The following NUCB2 variants were observed in gnomAD, a reference collection of about 807,000 sequenced individuals.
NUCB2 encodes the protein nucleobindin-2.
Under a neutral mutation model 57.9 loss-of-function variants are expected in NUCB2, and 48 were observed. That is an observed-to-expected ratio of 0.83 (90% CI 0.66 to 1.05). The LOEUF is 1.05. NUCB2 is among the 50% of genes least tolerant of loss of function. The pLI, the probability that NUCB2 is intolerant of heterozygous loss-of-function variation, is 0.00. For missense variants in NUCB2, 442 were observed against 476.2 expected (o/e 0.93, Z 0.67); for synonymous variants, 139 against 152.1 (o/e 0.91, Z 0.64).
chr11:17,346,484 A>G, intron 2 of NUCB2, among the ~76,000 whole-genome samples: 1 of 150,962 alleles, frequency 6.6e-6, no homozygotes, highest in East Asian at 1.9e-4. Flanking sequence ...GATGTCATTG[A>G]GAGCATTTAT....
chr11:17,330,791 A>C lies in NUCB2; in HGVS notation c.1174-111A>C, dbSNP rs75207092. The C allele has an allele frequency of 0.06, 44,716 of 747,388 alleles. 3,725 individuals are homozygous for C. Among genetic ancestry groups the C allele is most frequent in the African/African-American group, 0.33 (18,736 of 57,240 alleles). The allele number at this position is 747,388 out of a possible 1,614,324, so 46.3% of individuals were successfully genotyped here. On this transcript the variant is annotated intron_variant, in intron 12 of 13. Coordinates refer to ENST00000529010, the MANE Select transcript of NUCB2 (RefSeq NM_005013.4). This position sits in a 1 kb window ranked among gnomAD's most constrained non-coding sequence, Gnocchi z 4.3. ...GTCAAATCTAAATCTTATAGTTTGA[A>C]TATCTTTGTTTTAGAAAACAATTTT...
exon 2 of NUCB2, chr11:17,337,417 G>C (rs1178893133): frequency 1.3e-5 from 2 of 152,168 alleles, no homozygotes; most frequent in African/African-American, 4.8e-5. Context: ...CGTTTGTCAT[G>C]CAGGATTTTT....
chr11:17,348,319 GTTTTTTTTTTTTT>G (rs55741571), intron 2 of NUCB2, among the ~76,000 whole-genome samples: 46 of 84,470 alleles, frequency 5.4e-4, no homozygotes, highest in African/African-American at 2.1e-3. Context: ...TTGTTTTTGT[GTTTTTTTTTTTTT>G]TTTTTTTTTT....
Position 17,311,780 on chromosome 11 carries a change from C to T in NUCB2, c.761-92C>T, listed in dbSNP as rs1948519910. 7.3e-6 allele frequency: 6 copies of T among 824,966 alleles called. No homozygotes were observed. The South Asian group carries it at 9.5e-5, about 13-fold the overall frequency. The allele number at this position is 824,966 out of a possible 1,614,324, so 51.1% of individuals were successfully genotyped here. A position where few individuals can be genotyped will look rare whatever the true frequency, so the allele number is the denominator to read the frequency against. On this transcript the variant is annotated intron_variant, in intron 8 of 13. Coordinates refer to ENST00000529010, the MANE Select transcript of NUCB2 (RefSeq NM_005013.4). ...AGTCTATTGATGCTTCACATCAGTA[C>T]TACTTTTGTAAACCCTTTATAAATC...
chr11:17,346,675 T>C (rs548057954), intron 2 of NUCB2, among the ~76,000 whole-genome samples: 2 of 152,176 alleles, frequency 1.3e-5, no homozygotes, highest in Non-Finnish European at 2.9e-5. Context: ...TACAAAAAAT[T>C]TGCAAAAATA....
At position 17,282,772 on chromosome 11, in the gene NUCB2, T is replaced by A. The variant is rs1187652103; in HGVS notation, c.-155-17T>A. 6.6e-6 allele frequency: 1 copy of A among 151,216 alleles called. No homozygotes were observed. The highest frequency in any genetic ancestry group is 1.5e-5 in the Non-Finnish European group (1 of 67,742). The allele number at this position is 151,216 out of a possible 1,614,324, so 9.4% of individuals were successfully genotyped here. On this transcript the variant is annotated splice_polypyrimidine_tract_variant and intron_variant, in intron 1 of 13. Transcript: ENST00000529010. ...TGTGTCTTTTATTTATTTATTTTTA[T>A]TTTTTTTTACATTTAGAACGTGTTA...
rs1362783048 is a variant in NUCB2 at position 17,288,552 on chromosome 11, C to CTTTTTTTTTTTTTTTTT, written c.-1+5625_-1+5626insTTTTTTTTTTTTTTTTT. Among the ~76,000 whole-genome samples the CTTTTTTTTTTTTTTTTT allele has an allele frequency of 2.6e-4, 26 of 101,166 alleles. 2 individuals carry two copies. Among genetic ancestry groups the CTTTTTTTTTTTTTTTTT allele is most frequent in the South Asian group, 7.2e-4 (2 of 2,792 alleles). The allele number at this position is 101,166 out of a possible 152,430, so 66.4% of individuals were successfully genotyped here. On this transcript the variant is annotated intron_variant, in intron 2 of 13. Coordinates refer to ENST00000529010, the MANE Select transcript of NUCB2 (RefSeq NM_005013.4). The stretch of plus-strand genomic sequence containing the variant: ...TCTTTTTCTTCTTCTTCTTCTTCTT[C>CTTTTTTTTTTTTTTTTT]TTTTTTTTTTTTTTTTGAGACAGTC...
intron 1 of NUCB2, among the ~76,000 whole-genome samples, chr11:17,282,260 T>TATCTATCTA (rs1565358945): frequency 1.8e-5 from 1 of 55,128 alleles, no homozygotes; most frequent in African/African-American, 8.2e-5. Flanking sequence ...ATATATATAT[T>TATCTATCTA]TTTTTTTTTT....
downstream of NUCB2, chr11:17,332,910 C>T (rs1332320485): frequency 6.6e-6 from 1 of 151,990 alleles, no homozygotes; most frequent in Non-Finnish European, 1.5e-5. Flanking sequence ...TGGAGTATTG[C>T]TATGTTGCTC....
At chr11:17,284,640 T>G (rs1943308034) in intron 2 of NUCB2, among the ~76,000 whole-genome samples, 1 of 152,238 alleles carries the variant, frequency 6.6e-6, no homozygotes, top group Non-Finnish European at 1.5e-5. Context: ...AGTTTCCTTT[T>G]TTCTGATCTA....
chr11:17,349,616 C>G (rs572762623), exon 3 of NUCB2: 5 of 152,250 alleles, frequency 3.3e-5, no homozygotes, highest in Admixed American at 2.6e-4. Context: ...GTCATATGGC[C>G]ACATTTAGTT....
chr11:17,296,343 C>T (rs1370421721), intron 4 of NUCB2, 132 bp downstream of exon 4: 1 of 451,822 alleles, frequency 2.2e-6, no homozygotes, highest in East Asian at 3.5e-5. Context: ...TCAGTCTCTC[C>T]AGTAGTTGGG....
chr11:17,346,974 G>C (rs1952796493), intron 2 of NUCB2, among the ~76,000 whole-genome samples: 1 of 152,196 alleles, frequency 6.6e-6, no homozygotes, highest in South Asian at 2.1e-4. Context: ...ACAGGTCTCA[G>C]TTAATTTAGA....
In NUCB2 at chr11:17,330,303, AT is replaced by A; in HGVS notation, c.1173+10del. The A allele has an allele frequency of 6.3e-7, 1 of 1,583,788 alleles. No individual in the cohort carries two copies. The highest frequency in any genetic ancestry group is 8.5e-7 in the Non-Finnish European group (1 of 1,171,618). ...AGAAGCTGGAATATCATCAGGTGGC[AT>A]TTTGTCAAAAGATTATGGCATTAAA... On this transcript the variant is annotated splice_region_variant and intron_variant, in intron 12 of 13. Transcript: ENST00000529010. This position sits in a 1 kb window ranked among gnomAD's most constrained non-coding sequence, Gnocchi z 4.3.
At chr11:17,338,196 G>A (rs1265354307) in intron 2 of NUCB2, among the ~76,000 whole-genome samples, 1 of 152,176 alleles carries the variant, frequency 6.6e-6, no homozygotes, top group East Asian at 1.9e-4. Flanking sequence ...TTTTGATTTA[G>A]TTTTAGGAAT....
At chr11:17,298,602 C>T (rs1308757118) in intron 4 of NUCB2, among the ~76,000 whole-genome samples, 1 of 151,218 alleles carries the variant, frequency 6.6e-6, no homozygotes, top group African/African-American at 2.4e-5. Context: ...TAAAACTAGA[C>T]AATAAAACGC....
intron 4 of NUCB2, among the ~76,000 whole-genome samples, chr11:17,298,574 A>C (rs549078002): frequency 3.3e-5 from 5 of 152,114 alleles, no homozygotes; most frequent in Non-Finnish European, 7.4e-5. Flanking sequence ...CATCTCTTAA[A>C]AAAGAAAAAA....
intron 4 of NUCB2, among the ~76,000 whole-genome samples, chr11:17,299,865 C>A (rs1946407911): frequency 6.6e-6 from 1 of 151,998 alleles, no homozygotes; most frequent in Non-Finnish European, 1.5e-5. Context: ...GATCATGCTA[C>A]TGCACTCCAT....
Position 17,322,966 on chromosome 11 carries a change from G to GT in NUCB2, c.1003-7151dup, listed in dbSNP as rs537782552. On this transcript the variant is annotated intron_variant, in intron 11 of 13. Transcript: ENST00000529010. ...TTTACTAAATTTATCGGTTCTAATA[G>GT]TTTTTTTTTTGTGTGGAGTCTTTAG... 3.4e-3 allele frequency among the ~76,000 whole-genome samples: 504 copies of GT among 148,228 alleles called. 5 individuals are homozygous for GT. Among genetic ancestry groups the GT allele is most frequent in the Middle Eastern group, 0.01 (3 of 290 alleles).
Sources: allele counts gnomAD v4.1 joint callset (sites outside exome capture counted in the v4.1 genomes callset), GRCh38; gene constraint gnomAD v4.1.1; non-coding constraint Gnocchi (gnomAD v3.1); transcripts MANE v1.5; gene names NCBI Gene and HGNC (gene_info 2026-07-23, HGNC 2026-07-21).